WDR59: variants seen among roughly 807,000 people sequenced by gnomAD.
WDR59 encodes the protein WD repeat domain 59.
WDR59 carries 100 observed loss-of-function variants against 131.2 expected under a neutral mutation model. The observed-to-expected ratio is 0.76, with a 90% CI of 0.65 to 0.90. WDR59 has a LOEUF of 0.90. Among genes scored for constraint, WDR59 ranks in the 40% least tolerant of loss-of-function variants. WDR59 has a pLI of 0.00. For missense variants in WDR59, 1,203 were observed against 1,262.2 expected, an observed-to-expected ratio of 0.95 and a Z score of 0.71; for synonymous variants, 601 against 466.2, an observed-to-expected ratio of 1.29 and a Z score of -3.72.
chr16:74,893,838 T>C, intron 18 of WDR59, 26 bp from the exon 19 acceptor site: 1 of 1,610,442 alleles, frequency 6.2e-7, no homozygotes, highest in Non-Finnish European at 8.5e-7. Flanking sequence ...AGGATGTAAC[T>C]AATGGGGACT....
At chr16:74,882,460 T>C (rs1039620124) in intron 25 of WDR59, among the ~76,000 whole-genome samples, 2 of 152,138 alleles carry the variant, frequency 1.3e-5, no homozygotes, top group Non-Finnish European at 2.9e-5. Context: ...TTACCAGGTA[T>C]GGTGTCTCAC....
At chr16:74,906,313 C>CAAAAAAAAAAAAAAAAAAAAAAAAAAAA (rs762288713) in intron 17 of WDR59, among the ~76,000 whole-genome samples, 6 of 32,462 alleles carry the variant, frequency 1.8e-4, no homozygotes, top group East Asian at 2.2e-3. Context: ...GACTCCGTCT[C>CAAAAAAAAAAAAAAAAAAAAAAAAAAAA]AAAAAAAAAA....
At chr16:74,976,605 C>T (rs1597823375) in intron 1 of WDR59, among the ~76,000 whole-genome samples, 1 of 151,678 alleles carries the variant, frequency 6.6e-6, no homozygotes, top group Admixed American at 6.6e-5. Flanking sequence ...CCACACCTGG[C>T]TAATTTTCTG....
chr16:74,875,891 G>A (rs1476331397), intron 25 of WDR59, among the ~76,000 whole-genome samples: 2 of 152,030 alleles, frequency 1.3e-5, no homozygotes, highest in East Asian at 1.9e-4. Context: ...ATCACCAACG[G>A]ACACAACACC....
At chr16:74,944,001 G>A (rs892516490) in intron 6 of WDR59, among the ~76,000 whole-genome samples, 4 of 152,156 alleles carry the variant, frequency 2.6e-5, no homozygotes, top group Non-Finnish European at 4.4e-5. Context: ...TCTTCGCACG[G>A]AAGGATATCA....
At position 74,983,691 on chromosome 16, in the gene WDR59, C is replaced by T. The variant is rs140025183; in HGVS notation, c.54+1273G>A. On this transcript the variant is annotated intron_variant, in intron 1 of 25. Transcript: ENST00000262144. ...CATACAACCACATAAAATCTTCACT[C>T]GAGGCTGTGCTCAGTGAATCACACC... Among the ~76,000 whole-genome samples the T allele has an allele frequency of 3.8e-3, 583 of 151,976 alleles. 1 individual carries two copies. The highest frequency in any genetic ancestry group is 0.013 in the African/African-American group (552 of 41,468).
At chr16:74,981,629 TATATATATATATATATATATA>T (rs2034412155) in intron 1 of WDR59, among the ~76,000 whole-genome samples, 1 of 2,648 alleles carries the variant, frequency 3.8e-4, no homozygotes, top group African/African-American at 8.1e-4. Context: ...TATATATATA[TATATATATATATATATATATA>T]TATATATATA....
intron 17 of WDR59, among the ~76,000 whole-genome samples, chr16:74,904,793 G>C (rs1965719543): frequency 6.6e-6 from 1 of 152,186 alleles, no homozygotes; most frequent in Admixed American, 6.5e-5. Flanking sequence ...TATGAATGTA[G>C]TGTTGGCATA....
chr16:74,972,514 C>T (rs894474920), intron 1 of WDR59, among the ~76,000 whole-genome samples: 13 of 152,150 alleles, frequency 8.5e-5, no homozygotes, highest in South Asian at 4.2e-4. Context: ...CGGTATGCAT[C>T]GGCTTTGCAG....
intron 25 of WDR59, among the ~76,000 whole-genome samples, 197 bp downstream of exon 25, chr16:74,885,456 A>AG (rs970649167): frequency 1.3e-5 from 2 of 150,674 alleles, no homozygotes; most frequent in Non-Finnish European, 3.0e-5. Flanking sequence ...CTCAAAAAAA[A>AG]AAAAAAAAAA....
intron 1 of WDR59, among the ~76,000 whole-genome samples, chr16:74,977,891 T>C (rs2034250579): frequency 6.6e-6 from 1 of 152,072 alleles, no homozygotes; most frequent in South Asian, 2.1e-4. Flanking sequence ...ACAACAAGAA[T>C]GAATCTCAAA....
chr16:74,931,418 C>T (rs1178683911), intron 8 of WDR59, among the ~76,000 whole-genome samples: 1 of 152,106 alleles, frequency 6.6e-6, no homozygotes, highest in Non-Finnish European at 1.5e-5. Flanking sequence ...TCAATACAAC[C>T]TCGACCTCTT....
rs781354928 is a variant in WDR59, at chr16:74,874,284, C to G, written c.2850G>C (p.Met950Ile). The G allele has an allele frequency of 1.9e-6, 3 of 1,614,058 alleles. No individual in the cohort carries two copies. The highest frequency in any genetic ancestry group is 2.5e-6 in the Non-Finnish European group (3 of 1,180,046). The change falls in exon 26 of 26, where the codon ATG becomes ATC. Residue 950 changes from methionine (M) to isoleucine (I), a missense_variant. Physicochemically the swap from Met to Ile is conservative, Grantham distance 10. Coordinates refer to ENST00000262144, the MANE Select transcript of WDR59 (RefSeq NM_030581.4). ...CCTCCTGGGTCCGAAACCACTCCAT[C>G]ATGTGGCTGGTGTGGCCACCGTGCC... ...TCGHGGHTSH[M>I]MEWFRTQEVC...
At chr16:74,899,787 G>A in intron 18 of WDR59, 2 of 1,279,428 alleles carry the variant, frequency 1.6e-6, no homozygotes, top group Non-Finnish European at 2.0e-6. Flanking sequence ...CAGGAGGAGG[G>A]AAGAAAAACA....
At chr16:74,941,360 G>C (rs1053382258) in intron 7 of WDR59, among the ~76,000 whole-genome samples, 1 of 148,322 alleles carries the variant, frequency 6.7e-6, no homozygotes, top group Non-Finnish European at 1.5e-5. Flanking sequence ...AAAAAAGAAG[G>C]GGAAAATGGC....
At chr16:74,947,357 CAA>C (rs1441525890) in intron 6 of WDR59, among the ~76,000 whole-genome samples, 2 of 151,956 alleles carry the variant, frequency 1.3e-5, no homozygotes, top group Non-Finnish European at 2.9e-5. Context: ...GCCTGGGCAA[CAA>C]GAGCAAAACT....
At chr16:74,955,584 C>T (rs144610450) in intron 3 of WDR59, among the ~76,000 whole-genome samples, 11 of 152,142 alleles carry the variant, frequency 7.2e-5, no homozygotes, top group Admixed American at 1.3e-4. Flanking sequence ...CTCGGACATC[C>T]ACAGTTAAAG....
At chr16:74,976,988 C>A (rs1170533570) in intron 1 of WDR59, among the ~76,000 whole-genome samples, 6 of 151,990 alleles carry the variant, frequency 3.9e-5, no homozygotes, top group Non-Finnish European at 7.4e-5. Flanking sequence ...GGCGACATTG[C>A]GAGACCCTGT....
chr16:74,949,452 G>A (rs1363655303), intron 5 of WDR59, among the ~76,000 whole-genome samples: 2 of 151,030 alleles, frequency 1.3e-5, no homozygotes, highest in Non-Finnish European at 3.0e-5. Flanking sequence ...GAAGGAGGGA[G>A]GGAAGGAGAG....
Sources: allele counts gnomAD v4.1 joint callset (sites outside exome capture counted in the v4.1 genomes callset), GRCh38; gene constraint gnomAD v4.1.1; transcripts MANE v1.5; gene names NCBI Gene and HGNC (gene_info 2026-07-23, HGNC 2026-07-21).